Variants in MYO1D observed in about 807,000 individuals in gnomAD.
MYO1D encodes the protein unconventional myosin-Id.
Under a neutral mutation model 122.0 loss-of-function variants are expected in MYO1D, and 83 were observed. That is an observed-to-expected ratio of 0.68 (90% CI 0.57 to 0.82). The LOEUF is 0.82. Among genes scored for constraint, MYO1D ranks in the 40% least tolerant of loss-of-function variants. The pLI is 0.00. For missense variants in MYO1D, 1,157 were observed against 1,269.5 expected (o/e 0.91, Z 1.35); for synonymous variants, 464 against 446.9 (o/e 1.04, Z -0.48).
intron 19 of MYO1D, among the ~76,000 whole-genome samples, chr17:32,643,341 A>G (rs188039685): frequency 6.6e-6 from 1 of 152,060 alleles, no homozygotes; most frequent in Non-Finnish European, 1.5e-5. Flanking sequence ...TTTATTCAGG[A>G]TTTTTGCATC....
chr17:32,751,308 CAA>C (rs962717076), intron 11 of MYO1D, among the ~76,000 whole-genome samples: 2 of 152,018 alleles, frequency 1.3e-5, no homozygotes, highest in African/African-American at 4.8e-5. Flanking sequence ...ATATCCAGCT[CAA>C]CACACAGAAT....
intron 19 of MYO1D, among the ~76,000 whole-genome samples, chr17:32,647,687 ATTTTTT>A (rs10561856): frequency 1.5e-5 from 2 of 136,382 alleles, no homozygotes; most frequent in African/African-American, 2.8e-5. Flanking sequence ...TAGCTTATAC[ATTTTTT>A]TTTTTTTTTT....
chr17:32,496,368 G>C (rs137964302), intron 21 of MYO1D: 1 of 152,220 alleles, frequency 6.6e-6, no homozygotes, highest in Non-Finnish European at 1.5e-5. Flanking sequence ...AAGAGACCCC[G>C]GTTGTCACTT....
At chr17:32,523,163 GCC>G (rs1452347022) in intron 21 of MYO1D, among the ~76,000 whole-genome samples, 6 of 152,208 alleles carry the variant, frequency 3.9e-5, no homozygotes, top group African/African-American at 1.4e-4. Context: ...GCCTTTGCCT[GCC>G]TACCACATGG....
At chr17:32,624,054 T>C (rs1202163018) in intron 20 of MYO1D, among the ~76,000 whole-genome samples, 1 of 152,152 alleles carries the variant, frequency 6.6e-6, no homozygotes, top group Non-Finnish European at 1.5e-5. Flanking sequence ...AAAACTCTAA[T>C]GGCAGAACTG....
intron 16 of MYO1D, among the ~76,000 whole-genome samples, chr17:32,678,636 A>G (rs2088861457): frequency 6.6e-6 from 1 of 150,796 alleles, no homozygotes; most frequent in East Asian, 1.9e-4. Context: ...TATATGCCAC[A>G]TTTTCTTAAT....
chr17:32,570,881 A>G (rs2087219624), intron 21 of MYO1D, among the ~76,000 whole-genome samples: 1 of 152,210 alleles, frequency 6.6e-6, no homozygotes, highest in Non-Finnish European at 1.5e-5. Context: ...GTGTCTATTA[A>G]TACTATAGAT....
chr17:32,823,058 T>C (rs891887115), intron 1 of MYO1D, among the ~76,000 whole-genome samples: 6 of 152,350 alleles, frequency 3.9e-5, no homozygotes, highest in African/African-American at 1.4e-4. Flanking sequence ...GTAAATATTC[T>C]TGTTTTATTT....
intron 11 of MYO1D, 39 bp from the exon 12 acceptor site, chr17:32,749,045 T>C (rs1189743097): frequency 1.3e-6 from 2 of 1,549,710 alleles, no homozygotes; most frequent in East Asian, 2.2e-5. Context: ...AAAACAGACA[T>C]TTTTGCTTTC....
chr17:32,834,780 G>A (rs1387011372), intron 1 of MYO1D, among the ~76,000 whole-genome samples: 4 of 152,232 alleles, frequency 2.6e-5, no homozygotes, highest in African/African-American at 9.6e-5. Context: ...TCGGAAGGCC[G>A]AGGCGGGCAG....
Position 32,832,832 on chromosome 17 carries a change from C to T in MYO1D, c.95+43946G>A, listed in dbSNP as rs529614766. ...TAAGAATCTACTGTTCTTTAAAATA[C>T]AAAGAACTAAGAACTTTTAACTTTG... On this transcript the variant is annotated intron_variant, in intron 1 of 21. Coordinates refer to ENST00000318217, the MANE Select transcript of MYO1D (RefSeq NM_015194.3). Among the ~76,000 whole-genome samples, 50 of 152,214 alleles carry T rather than the reference C, an allele frequency of 3.3e-4. No individual in the cohort carries two copies. The South Asian group carries it at 0.01, about 32-fold the overall frequency.
chr17:32,611,879 CAGG>C (rs2087706880), intron 20 of MYO1D, among the ~76,000 whole-genome samples: 1 of 152,156 alleles, frequency 6.6e-6, no homozygotes, highest in Non-Finnish European at 1.5e-5. Context: ...TCACAATTCA[CAGG>C]AGGAGATAAG....
intron 21 of MYO1D, among the ~76,000 whole-genome samples, chr17:32,499,687 G>A (rs1909250082): frequency 6.6e-6 from 1 of 151,672 alleles, no homozygotes; most frequent in Admixed American, 6.6e-5. Flanking sequence ...AGCCAAGTAT[G>A]GTGGCTCACA....
At chr17:32,589,196 G>A (rs1342271339) in intron 21 of MYO1D, among the ~76,000 whole-genome samples, 1 of 152,166 alleles carries the variant, frequency 6.6e-6, no homozygotes, top group African/African-American at 2.4e-5. Context: ...CGGCCTCGTG[G>A]GGAGGCAGAC....
At chr17:32,536,064 G>A (rs1910657294) in intron 21 of MYO1D, among the ~76,000 whole-genome samples, 1 of 151,394 alleles carries the variant, frequency 6.6e-6, no homozygotes, top group Admixed American at 6.6e-5. Flanking sequence ...ATGGAGTCTT[G>A]CTCTGTTGCC....
intron 16 of MYO1D, among the ~76,000 whole-genome samples, chr17:32,708,034 G>A (rs748607154): frequency 1.4e-4 from 21 of 152,148 alleles, no homozygotes; most frequent in Middle Eastern, 3.4e-3. Flanking sequence ...TGATCCTCTC[G>A]CTGTAATAAA....
At chr17:32,508,759 A>G (rs1046762686) in intron 21 of MYO1D, among the ~76,000 whole-genome samples, 1 of 152,216 alleles carries the variant, frequency 6.6e-6, no homozygotes, top group African/African-American at 2.4e-5. Context: ...GCCCGAAGTG[A>G]TAGAGTAGAG....
rs73280045 is a variant in MYO1D at position 32,677,942 on chromosome 17, C to T, written c.2122-18604G>A. ...TTCATGGAACTCCTCTATAGCCGCC[C>T]TCCAGGTGTCCTTCCAGAAAACCAA... On this transcript the variant is annotated intron_variant, in intron 16 of 21. Transcript: ENST00000318217. 3.5e-3 allele frequency among the ~76,000 whole-genome samples: 536 copies of T among 152,248 alleles called. 7 individuals carry two copies. Among genetic ancestry groups the T allele is most frequent in the African/African-American group, 0.012 (510 of 41,528 alleles).
chr17:32,842,025 A>T (rs1196316216), intron 1 of MYO1D, among the ~76,000 whole-genome samples: 1 of 152,180 alleles, frequency 6.6e-6, no homozygotes, highest in Non-Finnish European at 1.5e-5. Context: ...TGAGATTAGC[A>T]ATTATACATT....
Sources: gnomAD v4.1 joint callset for allele counts (sites outside exome capture counted in the v4.1 genomes callset) on GRCh38, gnomAD v4.1.1 for gene constraint, MANE v1.5 for transcripts, NCBI Gene and HGNC (gene_info 2026-07-23, HGNC 2026-07-21) for gene names.